Variants in ARID4B observed in about 807,000 individuals in gnomAD.
ARID4B encodes the protein AT-rich interactive domain-containing protein 4B.
A neutral mutation model predicts 147.5 loss-of-function variants in ARID4B; 26 were observed. The observed-to-expected ratio is 0.18, with a 90% confidence interval of 0.13 to 0.24. The LOEUF is 0.24. ARID4B is among the 10% of genes least tolerant of loss of function. The pLI, the probability that ARID4B is intolerant of heterozygous loss-of-function variation, is 1.00. For missense variants in ARID4B, 1,179 were observed against 1,511.5 expected, an observed-to-expected ratio of 0.78 and a Z score of 3.65; for synonymous variants, 512 against 507.9, an observed-to-expected ratio of 1.01 and a Z score of -0.11.
At chr1:235,255,818 GTTTTC>G in intron 4 of ARID4B, 68 bp from the exon 5 acceptor site, 1 of 1,123,654 alleles carries the variant, frequency 8.9e-7, no homozygotes, top group Non-Finnish European at 1.3e-6. Context: ...ACCTGGGTTT[GTTTTC>G]TTTTAACTGA....
intron 2 of ARID4B, among the ~76,000 whole-genome samples, chr1:235,275,038 G>A (rs1402448185): frequency 1.3e-5 from 2 of 151,062 alleles, no homozygotes; most frequent in Non-Finnish European, 2.9e-5. Flanking sequence ...CGCGCAGACC[G>A]CTCTGCCTAT....
Position 235,182,503 on chromosome 1 carries a change from C to A in ARID4B, c.2416G>T (p.Asp806Tyr), listed in dbSNP as rs1471100849. Residue 806 changes from aspartate (D) to tyrosine (Y), a missense_variant, in exon 20 of 24, where the codon GAT becomes TAT. Coordinates refer to ENST00000264183, the MANE Select transcript of ARID4B (RefSeq NM_016374.6). The part of the protein sequence containing the change: ...EEDEVTKKRK[D>Y]VKKDTTDKSS... The stretch of plus-strand genomic sequence containing the variant: ...TTATCTGTTGTGTCCTTCTTGACAT[C>A]CTTTCTCTTTTTTGTGACTTCATCT... 1 of 1,613,106 alleles carries A rather than the reference C, an allele frequency of 6.2e-7. No homozygotes were observed. The highest frequency in any genetic ancestry group is 8.5e-7 in the Non-Finnish European group (1 of 1,179,820).
chr1:235,211,605 G>GTC (rs1388230954), intron 17 of ARID4B, among the ~76,000 whole-genome samples: 2 of 152,016 alleles, frequency 1.3e-5, no homozygotes, highest in East Asian at 3.9e-4. Flanking sequence ...AAGAGATGAG[G>GTC]TCTCATTCTG....
chr1:235,194,210 T>C lies in ARID4B; in HGVS notation c.1928A>G (p.Asn643Ser), dbSNP rs1344837634. 4.4e-6 allele frequency: 7 copies of C among 1,594,860 alleles called. No individual in the cohort carries two copies. The highest frequency in any genetic ancestry group is 1.1e-5 in the South Asian group (1 of 90,484). Residue 643 changes from asparagine to serine, a missense_variant and splice_region_variant, in exon 19 of 24, where the codon AAT becomes AGT. Transcript: ENST00000264183. ...PKIKHRKKIK[N>S]KLDKEKDKDE... Reference sequence around the variant, plus strand: ...TTTGTCTTTTTCTTTGTCTAATTTATTCTAGGTTAAGAAAAAAAGTATGTC... The same window carrying C: ...TTTGTCTTTTTCTTTGTCTAATTTACTCTAGGTTAAGAAAAAAAGTATGTC...
At chr1:235,176,671 G>T (rs1663906326) in intron 21 of ARID4B, 4 of 348,822 alleles carry the variant, frequency 1.1e-5, no homozygotes, top group Non-Finnish European at 2.3e-5. Flanking sequence ...CCCACTCTAT[G>T]CAGTGGACTG....
rs1558250442 is a variant in ARID4B at position 235,255,224 on chromosome 1, TAGATAG to T, written c.274+430_274+435del. On this transcript the variant is annotated intron_variant, in intron 5 of 23. Transcript: ENST00000264183. ...ACTTTGTTTCCTGCTGGGAGCTAGA[TAGATAG>T]ATAGATAGATAGATAGATAGATAGA... Among the ~76,000 whole-genome samples the T allele has an allele frequency of 1.4e-3, 139 of 100,976 alleles. 5 individuals carry two copies. Among genetic ancestry groups the T allele is most frequent in the Middle Eastern group, 5.9e-3 (1 of 170 alleles). 66.2% of individuals were successfully genotyped at this position (100,976 alleles called of 152,430 possible).
At chr1:235,209,191 C>A (rs898031912) in intron 17 of ARID4B, among the ~76,000 whole-genome samples, 1 of 152,182 alleles carries the variant, frequency 6.6e-6, no homozygotes. Context: ...AAGATTTATA[C>A]AGGTCGGGCG....
At chr1:235,215,816 C>T (rs937557956) in intron 16 of ARID4B, among the ~76,000 whole-genome samples, 1 of 151,482 alleles carries the variant, frequency 6.6e-6, no homozygotes, top group South Asian at 2.1e-4. Context: ...CTTGAACTCC[C>T]GGGCTCAAGC....
rs546795335 is a variant in ARID4B at position 235,194,558 on chromosome 1, C to T, written c.1927-347G>A. 2.6e-5 allele frequency among the ~76,000 whole-genome samples: 4 copies of T among 152,306 alleles called. No individual in the cohort carries two copies. The East Asian group carries it at 5.8e-4, about 22-fold the overall frequency. On this transcript the variant is annotated intron_variant, in intron 18 of 23. Transcript: ENST00000264183. Reference sequence around the variant, plus strand: ...AAAAGAGGCCAGGTGAGGTGGCTCACACCTGTAATCCCAGCACTTTGGGAG... The same window carrying T: ...AAAAGAGGCCAGGTGAGGTGGCTCATACCTGTAATCCCAGCACTTTGGGAG...
intron 19 of ARID4B, among the ~76,000 whole-genome samples, chr1:235,187,333 C>T (rs1664766576): frequency 6.6e-6 from 1 of 152,154 alleles, no homozygotes; most frequent in Middle Eastern, 3.2e-3. Flanking sequence ...ATCCGCCTAC[C>T]TTGGCCTCCC....
intron 2 of ARID4B, among the ~76,000 whole-genome samples, chr1:235,267,449 T>C (rs1670674298): frequency 6.6e-6 from 1 of 152,314 alleles, no homozygotes; most frequent in South Asian, 2.1e-4. Context: ...CTTGCATTTA[T>C]ATACCAAACA....
chr1:235,231,179 G>T lies in ARID4B; in HGVS notation c.676C>A (p.Pro226Thr), dbSNP rs955299868. 1.9e-6 allele frequency: 3 copies of T among 1,572,046 alleles called. No homozygotes were observed. The highest frequency in any genetic ancestry group is 2.6e-6 in the Non-Finnish European group (3 of 1,157,416). The change falls in exon 10 of 24, where the codon CCA becomes ACA. Residue 226 changes from proline to threonine, a missense_variant. Pro to Thr is a conservative substitution (Grantham distance 38). Transcript: ENST00000264183. ...SFKDGKFTSV[P>T]RKDVHEITSD... ...GTAATTTCATGGACATCTTTTCTTG[G>T]AACTGAAGTACTATATATTTTTTTT...
intron 2 of ARID4B, among the ~76,000 whole-genome samples, chr1:235,303,380 G>GAAA (rs1298835922): frequency 7.1e-6 from 1 of 141,600 alleles, no homozygotes; most frequent in East Asian, 2.0e-4. Flanking sequence ...AGAGGTGGGG[G>GAAA]AAAAAAAAAA....
intron 8 of ARID4B, among the ~76,000 whole-genome samples, chr1:235,236,833 A>AAAAAAAAAAAAAATATATATATATTT (rs1175189621): frequency 3.0e-5 from 1 of 33,522 alleles, no homozygotes; most frequent in Non-Finnish European, 4.7e-5. Flanking sequence ...TTTTATAAAA[A>AAAAAAAAAAAAAATATATATATATTT]ATATATATAT....
intron 2 of ARID4B, among the ~76,000 whole-genome samples, chr1:235,305,037 A>C (rs1415235674): frequency 6.6e-6 from 1 of 152,218 alleles, no homozygotes; most frequent in African/African-American, 2.4e-5. Flanking sequence ...TTTAAAGCTG[A>C]CATGGAATCA....
At chr1:235,195,247 A>G (rs2102962826) in intron 18 of ARID4B, among the ~76,000 whole-genome samples, 1 of 152,282 alleles carries the variant, frequency 6.6e-6, no homozygotes, top group Admixed American at 6.5e-5. Context: ...AAGTAACATT[A>G]ATTTTCCATA....
At chr1:235,188,014 A>T (rs569153717) in intron 19 of ARID4B, among the ~76,000 whole-genome samples, 1 of 151,610 alleles carries the variant, frequency 6.6e-6, no homozygotes, top group East Asian at 1.9e-4. Flanking sequence ...TAAGTAGGGG[A>T]AAAAAAGAGT....
intron 2 of ARID4B, among the ~76,000 whole-genome samples, chr1:235,299,650 C>G (rs550057856): frequency 6.6e-6 from 1 of 152,322 alleles, no homozygotes; most frequent in African/African-American, 2.4e-5. Context: ...TTAATGGTAT[C>G]ATTTGAGATC....
intron 2 of ARID4B, among the ~76,000 whole-genome samples, chr1:235,278,879 T>C (rs1403829616): frequency 1.3e-5 from 2 of 152,160 alleles, no homozygotes; most frequent in African/African-American, 4.8e-5. Context: ...AGAAAAGTGG[T>C]TCCCAAAGTA....
Sources: gnomAD v4.1 joint callset for allele counts (sites outside exome capture counted in the v4.1 genomes callset) on GRCh38, gnomAD v4.1.1 for gene constraint, MANE v1.5 for transcripts, NCBI Gene and HGNC (gene_info 2026-07-23, HGNC 2026-07-21) for gene names.